The following COG5 variants were observed in gnomAD, a reference collection of about 807,000 sequenced individuals.
The protein encoded by COG5 is component of oligomeric golgi complex 5.
COG5 carries 86 observed loss-of-function variants against 110.4 expected under a neutral mutation model. That is an observed-to-expected ratio of 0.78 (90% CI 0.65 to 0.93). The LOEUF (loss-of-function observed/expected upper bound fraction) is 0.93. Ranked by LOEUF, COG5 falls within the 40% of genes least tolerant of loss-of-function variation. The probability of loss-of-function intolerance (pLI) is 0.00; values close to 1 mark genes in which losing one functional copy is unlikely to be tolerated. For synonymous variants in COG5, 360 were observed against 334.6 expected (o/e 1.08, Z -0.83); for missense variants, 1,077 against 987.0 (o/e 1.09, Z -1.22).
intron 5 of COG5, among the ~76,000 whole-genome samples, chr7:107,546,958 A>T (rs1007472244): frequency 6.6e-6 from 1 of 152,186 alleles, no homozygotes; most frequent in Non-Finnish European, 1.5e-5. Context: ...TTAAAGAAAA[A>T]CTAATACCAA....
intron 10 of COG5, among the ~76,000 whole-genome samples, chr7:107,335,110 T>C (rs1161271267): frequency 6.6e-6 from 1 of 152,224 alleles, no homozygotes; most frequent in Non-Finnish European, 1.5e-5. Flanking sequence ...GGAGTTAAAA[T>C]GTAAAGTTTT....
intron 10 of COG5, among the ~76,000 whole-genome samples, chr7:107,345,057 G>A (rs1409555045): frequency 6.6e-6 from 1 of 152,126 alleles, no homozygotes; most frequent in Non-Finnish European, 1.5e-5. Flanking sequence ...TCACTGTAGG[G>A]TTATTAATTG....
At chr7:107,263,686 A>T (rs893156096) in intron 14 of COG5, among the ~76,000 whole-genome samples, 3 of 152,214 alleles carry the variant, frequency 2.0e-5, no homozygotes, top group Non-Finnish European at 2.9e-5. Flanking sequence ...ACTATTTTTT[A>T]AAATTTAATT....
chr7:107,359,595 T>A (rs765343431), intron 10 of COG5, among the ~76,000 whole-genome samples: 3 of 152,090 alleles, frequency 2.0e-5, no homozygotes, highest in Non-Finnish European at 4.4e-5. Flanking sequence ...TGACAAGTTA[T>A]GGTGCTTTTT....
intron 6 of COG5, among the ~76,000 whole-genome samples, chr7:107,425,071 T>C (rs1011329605): frequency 1.3e-5 from 2 of 152,104 alleles, no homozygotes; most frequent in Admixed American, 1.3e-4. Context: ...ATTTCCCACA[T>C]CTATTTATCC....
chr7:107,285,294 G>C (rs1204807465), intron 12 of COG5, among the ~76,000 whole-genome samples: 4 of 152,090 alleles, frequency 2.6e-5, no homozygotes, highest in South Asian at 2.1e-4. Flanking sequence ...GTTGAAGTCC[G>C]AGCCATCTAT....
In COG5 at chr7:107,474,598, A is replaced by G; in HGVS notation, c.538+52639T>C. On this transcript the variant is annotated intron_variant, in intron 6 of 21. Transcript: ENST00000297135. The surrounding 1 kb of genome is among the most constrained non-coding windows in gnomAD (Gnocchi z 5.7). ...TTTCCTGATTCCTTTTATTGAGGTAAATTTTTTCAGTCTTCAAAGTGGAAA... is the reference window on the plus strand; with the variant it reads ...TTTCCTGATTCCTTTTATTGAGGTAGATTTTTTCAGTCTTCAAAGTGGAAA... The G allele has an allele frequency of 6.2e-7, 1 of 1,610,152 alleles. No individual in the cohort carries two copies. The highest frequency in any genetic ancestry group is 8.5e-7 in the Non-Finnish European group (1 of 1,178,420).
intron 5 of COG5, among the ~76,000 whole-genome samples, chr7:107,534,319 T>C (rs1249204230): frequency 2.0e-5 from 3 of 151,550 alleles, no homozygotes; most frequent in African/African-American, 7.3e-5. Context: ...CATAACAATA[T>C]TAATCCTAAA....
chr7:107,418,843 C>T (rs1006962055), intron 6 of COG5, among the ~76,000 whole-genome samples: 9 of 151,826 alleles, frequency 5.9e-5, no homozygotes, highest in African/African-American at 1.9e-4. Flanking sequence ...GGCACAATCA[C>T]AGCTCACTGC....
At chr7:107,512,412 G>T (rs1472774935) in intron 6 of COG5, among the ~76,000 whole-genome samples, 3 of 152,182 alleles carry the variant, frequency 2.0e-5, no homozygotes, top group South Asian at 2.1e-4. Context: ...CAAACAAATG[G>T]AAGAACATTC....
At chr7:107,515,607 G>T (rs1312671637) in intron 6 of COG5, among the ~76,000 whole-genome samples, 1 of 152,152 alleles carries the variant, frequency 6.6e-6, no homozygotes, top group Non-Finnish European at 1.5e-5. Flanking sequence ...CAAAAGCAGA[G>T]TATCCATCGA....
chr7:107,524,560 T>C (rs963876511), intron 6 of COG5, among the ~76,000 whole-genome samples: 2 of 152,234 alleles, frequency 1.3e-5, no homozygotes, highest in Admixed American at 6.5e-5. Flanking sequence ...ATAACTGTAA[T>C]AGTGACTGCA....
At chr7:107,267,875 G>A (rs745734501) in intron 14 of COG5, among the ~76,000 whole-genome samples, 6 of 152,078 alleles carry the variant, frequency 3.9e-5, no homozygotes, top group Non-Finnish European at 7.4e-5. Flanking sequence ...GAACAACATA[G>A]TGAGATCCCC....
At chr7:107,455,964 T>C (rs1157627186) in intron 6 of COG5, among the ~76,000 whole-genome samples, 1 of 151,990 alleles carries the variant, frequency 6.6e-6, no homozygotes. Context: ...TGGCTAATTT[T>C]TTTTTTTATT....
intron 12 of COG5, among the ~76,000 whole-genome samples, chr7:107,291,763 T>G (rs894345324): frequency 1.3e-5 from 2 of 152,224 alleles, no homozygotes; most frequent in African/African-American, 4.8e-5. Flanking sequence ...ATGTTTGATA[T>G]CTGCTCTGAT....
chr7:107,544,302 G>T (rs1802261737), intron 5 of COG5, among the ~76,000 whole-genome samples: 1 of 152,154 alleles, frequency 6.6e-6, no homozygotes, highest in Non-Finnish European at 1.5e-5. Context: ...CCAGCAACTG[G>T]TTGGCTCCTG....
At chr7:107,409,498 G>A (rs1792119580) in intron 7 of COG5, among the ~76,000 whole-genome samples, 1 of 151,946 alleles carries the variant, frequency 6.6e-6, no homozygotes, top group African/African-American at 2.4e-5. Flanking sequence ...GAGACAGTAA[G>A]AGCAGCTTAT....
At chr7:107,220,698 G>A (rs765429640) in intron 19 of COG5, among the ~76,000 whole-genome samples, 2 of 152,102 alleles carry the variant, frequency 1.3e-5, no homozygotes, top group Non-Finnish European at 2.9e-5. Context: ...CTATTGCAGG[G>A]AAAAAGTGTA....
chr7:107,347,556 T>C (rs1053828846), intron 10 of COG5, among the ~76,000 whole-genome samples: 3 of 152,194 alleles, frequency 2.0e-5, no homozygotes, highest in Admixed American at 6.5e-5. Context: ...ATACATTATA[T>C]AGTTTTGAAT....
Sources: allele counts gnomAD v4.1 joint callset (sites outside exome capture counted in the v4.1 genomes callset), GRCh38; gene constraint gnomAD v4.1.1; non-coding constraint Gnocchi (gnomAD v3.1); transcripts MANE v1.5; gene names NCBI Gene and HGNC (gene_info 2026-07-23, HGNC 2026-07-21).